ATP8A2: variants seen among roughly 807,000 people sequenced by gnomAD.
ATP8A2 encodes ATPase phospholipid transporting 8A2, also known as phospholipid-transporting ATPase IB.
In ATP8A2, 100 loss-of-function variants were observed where a neutral mutation model predicts 165.6. The ratio of observed to expected loss-of-function variants is 0.60; its 90% CI spans 0.51 to 0.71. The LOEUF (loss-of-function observed/expected upper bound fraction) is 0.71. ATP8A2 is among the 30% of genes least tolerant of loss of function. The pLI, the probability that ATP8A2 is intolerant of heterozygous loss-of-function variation, is 0.00. For missense variants in ATP8A2, 1,227 were observed against 1,479.5 expected (o/e 0.83, Z 2.80); for synonymous variants, 543 against 548.8 (o/e 0.99, Z 0.15).
At chr13:25,813,426 TG>T (rs1393906416) in intron 27 of ATP8A2, among the ~76,000 whole-genome samples, 2 of 145,534 alleles carry the variant, frequency 1.4e-5, no homozygotes, top group Non-Finnish European at 3.0e-5. Flanking sequence ...TGATATATGA[TG>T]GTATGATATG....
At chr13:25,587,074 C>T (rs74041032) in intron 23 of ATP8A2, among the ~76,000 whole-genome samples, 446 of 152,092 alleles carry the variant, frequency 2.9e-3, no homozygotes, top group African/African-American at 0.01. Context: ...TGTTAGATTG[C>T]GAGATTAAAG....
In ATP8A2 at chr13:25,409,178, A is replaced by C. The variant is rs187493820; in HGVS notation, c.76+36890A>C. Among the ~76,000 whole-genome samples the C allele has an allele frequency of 3.9e-5, 6 of 152,298 alleles. No homozygotes were observed. The East Asian group carries it at 1.2e-3, about 29-fold the overall frequency. On this transcript the variant is annotated intron_variant, in intron 1 of 36. Transcript: ENST00000381655. ...TTTCATCTCTTCTCAGCCCTGGTAC[A>C]TGCTGTCTACTGAAGTATTGACTTA...
At chr13:25,457,686 C>G (rs990654399) in intron 1 of ATP8A2, among the ~76,000 whole-genome samples, 14 of 152,336 alleles carry the variant, frequency 9.2e-5, no homozygotes, top group African/African-American at 3.4e-4. Context: ...CCTGGCAACC[C>G]TGAGTCGGTT....
In ATP8A2 at chr13:25,774,872, G is replaced by A; in HGVS notation, c.2592G>A (p.Leu864=). ...IAQFSYLEKL[L]LVHGAWSYNR... ...AGTTTTCCTACTTAGAGAAGCTTCT[G>A]TTGGTTCATGGAGCCTGGAGCTACA... is the stretch of plus-strand genomic sequence containing the variant. The change falls in exon 27 of 37, where the codon CTG becomes CTA. Residue 864 remains leucine, a synonymous_variant. Coordinates refer to ENST00000381655, the MANE Select transcript of ATP8A2 (RefSeq NM_016529.6). 1 of 1,613,084 alleles carries A rather than the reference G, an allele frequency of 6.2e-7. No individual in the cohort carries two copies. Among genetic ancestry groups the A allele is most frequent in the Non-Finnish European group, 8.5e-7 (1 of 1,179,186 alleles).
intron 24 of ATP8A2, among the ~76,000 whole-genome samples, chr13:25,602,471 T>C (rs899434734): frequency 1.3e-5 from 2 of 152,238 alleles, no homozygotes; most frequent in Non-Finnish European, 2.9e-5. Context: ...TTGCACCTGT[T>C]TTCCTGGCAT....
intron 33 of ATP8A2, among the ~76,000 whole-genome samples, chr13:25,956,611 A>G (rs549892583): frequency 5.2e-4 from 79 of 152,348 alleles, no homozygotes; most frequent in Admixed American, 1.2e-3. Context: ...CTGCTCAAGG[A>G]AAAAAGAGAG....
At chr13:25,399,839 C>T (rs1468735058) in intron 1 of ATP8A2, among the ~76,000 whole-genome samples, 4 of 150,458 alleles carry the variant, frequency 2.7e-5, no homozygotes, top group Non-Finnish European at 5.9e-5. Flanking sequence ...TCTCTTTCTT[C>T]CCTTTCTTCC....
At chr13:25,702,225 C>T (rs2042966560) in intron 25 of ATP8A2, among the ~76,000 whole-genome samples, 1 of 151,990 alleles carries the variant, frequency 6.6e-6, no homozygotes, top group Admixed American at 6.5e-5. Context: ...AATAACTGGT[C>T]TATGAAATCA....
At chr13:25,713,270 A>C (rs919682543) in intron 25 of ATP8A2, among the ~76,000 whole-genome samples, 1 of 152,250 alleles carries the variant, frequency 6.6e-6, no homozygotes, top group Non-Finnish European at 1.5e-5. Flanking sequence ...AACAAATGTC[A>C]TCGTTCCCAC....
chr13:25,811,616 T>C (rs1015756247), intron 27 of ATP8A2, among the ~76,000 whole-genome samples: 11 of 152,128 alleles, frequency 7.2e-5, no homozygotes, highest in African/African-American at 2.4e-4. Flanking sequence ...TTTGGGAGGC[T>C]TGAAGTGGGT....
chr13:25,752,842 T>C (rs2044181351), intron 25 of ATP8A2, among the ~76,000 whole-genome samples: 1 of 152,224 alleles, frequency 6.6e-6, no homozygotes, highest in Admixed American at 6.5e-5. Flanking sequence ...TCTCTATCCA[T>C]GGTCTCAGAA....
At chr13:25,942,878 G>A (rs1354303242) in intron 33 of ATP8A2, among the ~76,000 whole-genome samples, 2 of 152,186 alleles carry the variant, frequency 1.3e-5, no homozygotes, top group Non-Finnish European at 2.9e-5. Flanking sequence ...TCTGCCTGTG[G>A]TACAAAGTAG....
chr13:25,451,021 G>T (rs910383779), intron 1 of ATP8A2, among the ~76,000 whole-genome samples: 3 of 152,082 alleles, frequency 2.0e-5, no homozygotes, highest in East Asian at 3.8e-4. Context: ...TTTCCACATT[G>T]CTTCTTCAGA....
At chr13:25,604,211 A>G (rs1296681096) in intron 24 of ATP8A2, among the ~76,000 whole-genome samples, 1 of 152,176 alleles carries the variant, frequency 6.6e-6, no homozygotes, top group African/African-American at 2.4e-5. Context: ...ACCAACTGGA[A>G]CAAAGTCTTT....
Position 25,968,662 on chromosome 13 carries a change from G to A in ATP8A2, c.3360G>A (p.Arg1120=). Reference sequence around the variant, plus strand: ...GAGTCCTGGGAAAAGCGGTGCTGCGGGATAGCAATGGAAAGAGGTGGGGAA... The same window carrying A: ...GAGTCCTGGGAAAAGCGGTGCTGCGAGATAGCAATGGAAAGAGGTGGGGAA... ...KSRVLGKAVL[R]DSNGKRLNER... Residue 1120 remains arginine (R), a synonymous_variant, in exon 35 of 37, where the codon CGG becomes CGA. Transcript: ENST00000381655. 1 of 1,613,426 alleles carries A rather than the reference G, an allele frequency of 6.2e-7. No individual in the cohort carries two copies. Among genetic ancestry groups the A allele is most frequent in the South Asian group, 1.1e-5 (1 of 90,582 alleles).
At chr13:25,979,666 A>C (rs927628002) in intron 35 of ATP8A2, among the ~76,000 whole-genome samples, 1 of 152,230 alleles carries the variant, frequency 6.6e-6, no homozygotes, top group African/African-American at 2.4e-5. Context: ...ACAGACATTT[A>C]TTAAAAACGG....
At chr13:25,510,871 GTAT>G (rs544632037) in intron 2 of ATP8A2, among the ~76,000 whole-genome samples, 203 of 152,316 alleles carry the variant, frequency 1.3e-3, no homozygotes, top group Non-Finnish European at 2.4e-3. Flanking sequence ...TTATATTAAA[GTAT>G]TATTAAAACA....
chr13:25,796,897 G>A (rs1025002984), intron 27 of ATP8A2, among the ~76,000 whole-genome samples: 5 of 151,920 alleles, frequency 3.3e-5, no homozygotes, highest in African/African-American at 1.2e-4. Flanking sequence ...TTTATACTTT[G>A]ATCAAATGAA....
intron 24 of ATP8A2, among the ~76,000 whole-genome samples, chr13:25,658,634 C>T (rs2041985244): frequency 6.6e-6 from 1 of 152,074 alleles, no homozygotes; most frequent in Admixed American, 6.6e-5. Context: ...AGTGAAACTC[C>T]GTCTCAAAAA....
Sources: gnomAD v4.1 joint callset for allele counts (sites outside exome capture counted in the v4.1 genomes callset) on GRCh38, gnomAD v4.1.1 for gene constraint, MANE v1.5 for transcripts, NCBI Gene and HGNC (gene_info 2026-07-23, HGNC 2026-07-21) for gene names.